The following ADAP2 variants were observed in gnomAD, a reference collection of about 807,000 sequenced individuals.
ADAP2 encodes arf-GAP with dual PH domain-containing protein 2.
ADAP2 carries 42 observed loss-of-function variants against 54.9 expected under a neutral mutation model. The observed-to-expected ratio is 0.77, with a 90% CI of 0.60 to 0.99. ADAP2 has a LOEUF of 0.99. Ranked by LOEUF, ADAP2 falls within the 50% of genes least tolerant of loss-of-function variation. The probability of loss-of-function intolerance (pLI) is 0.00; values close to 1 mark genes in which losing one functional copy is unlikely to be tolerated. For missense variants in ADAP2, 429 were observed against 480.4 expected (o/e 0.89, Z 1.00); for synonymous variants, 177 against 180.1 (o/e 0.98, Z 0.14).
At chr17:30,949,024 G>A (rs1236250160) in intron 6 of ADAP2, among the ~76,000 whole-genome samples, 1 of 152,242 alleles carries the variant, frequency 6.6e-6, no homozygotes, top group Non-Finnish European at 1.5e-5. Context: ...CGAGGCCATT[G>A]CAGAACTCCC....
At chr17:30,956,786 T>C (rs920892589) in intron 10 of ADAP2, 1 of 356,020 alleles carries the variant, frequency 2.8e-6, no homozygotes, top group Admixed American at 3.9e-5. Context: ...CCCTCCACCG[T>C]GCTCTATGCT....
intron 9 of ADAP2, among the ~76,000 whole-genome samples, chr17:30,955,536 G>A (rs1905000402): frequency 2.0e-5 from 3 of 151,802 alleles, no homozygotes; most frequent in African/African-American, 7.3e-5. Context: ...GTGAAACCCT[G>A]TCTCTACTAA....
chr17:30,941,986 G>A (rs920749635), intron 5 of ADAP2, among the ~76,000 whole-genome samples: 1 of 151,780 alleles, frequency 6.6e-6, no homozygotes. Context: ...GCTCACTGCA[G>A]CCTCCGCCTC....
rs1431105562 is a variant in ADAP2 at position 30,929,235 on chromosome 17, A to T, written c.317+2317A>T. Among the ~76,000 whole-genome samples the T allele has an allele frequency of 3.3e-5, 5 of 152,374 alleles. No homozygotes were observed. The East Asian group carries it at 9.6e-4, about 29-fold the overall frequency. On this transcript the variant is annotated intron_variant, in intron 3 of 10. Coordinates refer to ENST00000330889, the MANE Select transcript of ADAP2 (RefSeq NM_018404.3). The stretch of plus-strand genomic sequence containing the variant: ...TAGGCAATGATGCCTGCATCATAGC[A>T]TACTTGTAGAGATTACATGAGATAA...
chr17:30,926,065 G>T (rs1389565614), intron 2 of ADAP2, among the ~76,000 whole-genome samples: 2 of 152,088 alleles, frequency 1.3e-5, no homozygotes, highest in Non-Finnish European at 2.9e-5. Context: ...GATTCCAAGG[G>T]TCACTCATCA....
intron 7 of ADAP2, among the ~76,000 whole-genome samples, chr17:30,951,822 C>A (rs1904670145): frequency 6.6e-6 from 1 of 151,172 alleles, no homozygotes; most frequent in African/African-American, 2.4e-5. Context: ...CACCCGGCTA[C>A]TTTTTTGTAT....
At chr17:30,956,773 T>C (rs556259589) in intron 10 of ADAP2, 99 of 412,288 alleles carry the variant, frequency 2.4e-4, no homozygotes, top group African/African-American at 1.4e-3. Flanking sequence ...GCAGCTTCTC[T>C]TTCCCTCCAC....
At chr17:30,932,966 T>C (rs1911607027) in intron 4 of ADAP2, among the ~76,000 whole-genome samples, 1 of 152,152 alleles carries the variant, frequency 6.6e-6, no homozygotes, top group South Asian at 2.1e-4. Flanking sequence ...CTGGTGCAGC[T>C]CAAGACTTGG....
rs1312369453 is a variant in ADAP2, at chr17:30,958,095, C to T, written c.*226C>T. The T allele has an allele frequency of 5.1e-6, 3 of 586,132 alleles. No homozygotes were observed. The African/African-American group carries it at 5.6e-5, about 11-fold the overall frequency. The allele number at this position is 586,132 out of a possible 1,614,324, so 36.3% of individuals were successfully genotyped here. On this transcript the variant is annotated 3_prime_UTR_variant, in exon 11 of 11. Coordinates refer to ENST00000330889, the MANE Select transcript of ADAP2 (RefSeq NM_018404.3). ...ATCTGGTGCATAGATGAACATCTAT[C>T]CCCTCCTCCCCCATACACACCTAGG...
intron 5 of ADAP2, among the ~76,000 whole-genome samples, chr17:30,942,891 A>C (rs967414415): frequency 6.6e-6 from 1 of 152,244 alleles, no homozygotes; most frequent in East Asian, 1.9e-4. Context: ...CAAAAAGTAA[A>C]AAAGTAACAG....
intron 3 of ADAP2, among the ~76,000 whole-genome samples, chr17:30,929,538 G>A (rs1473182793): frequency 6.6e-6 from 1 of 152,128 alleles, no homozygotes; most frequent in Non-Finnish European, 1.5e-5. Flanking sequence ...AGTACTAATG[G>A]CCACCTTCAG....
chr17:30,946,596 A>C (rs1291290995), intron 6 of ADAP2, among the ~76,000 whole-genome samples: 1 of 152,148 alleles, frequency 6.6e-6, no homozygotes, highest in African/African-American at 2.4e-5. Context: ...AAGCTGGGTC[A>C]GGTCCTGAGC....
rs35101958 is a variant in ADAP2 at position 30,930,045 on chromosome 17, CTTATTTAT to C, written c.318-1809_318-1802del. Among the ~76,000 whole-genome samples, 416 of 140,428 alleles carry C rather than the reference CTTATTTAT, an allele frequency of 3.0e-3. 2 individuals are homozygous for C. The highest frequency in any genetic ancestry group is 5.7e-3 in the African/African-American group (219 of 38,622). 92.1% of individuals were successfully genotyped at this position (140,428 alleles called of 152,430 possible). ...ACTCTTGATTGTAAGCGACAGAAAC[CTTATTTAT>C]TTATTTATTTATTTATTTATTTATT... On this transcript the variant is annotated intron_variant, in intron 3 of 10. Transcript: ENST00000330889.
intron 2 of ADAP2, among the ~76,000 whole-genome samples, chr17:30,925,183 A>AT (rs57259969): frequency 0.12 from 11,516 of 98,118 alleles, 1,852 homozygotes; most frequent in African/African-American, 0.35. Context: ...CGTGCCCAGC[A>AT]TTTTTTTTTT....
intron 9 of ADAP2, among the ~76,000 whole-genome samples, chr17:30,955,604 G>A (rs1567727966): frequency 1.3e-5 from 2 of 151,982 alleles, no homozygotes; most frequent in Non-Finnish European, 2.9e-5. Context: ...CTACTCAGGA[G>A]GCTGAGGCAG....
At chr17:30,936,500 A>G (rs1486565281) in intron 5 of ADAP2, among the ~76,000 whole-genome samples, 2 of 152,116 alleles carry the variant, frequency 1.3e-5, no homozygotes, top group African/African-American at 4.8e-5. Context: ...CTTCATGGGT[A>G]TGAAGTCGTA....
intron 3 of ADAP2, among the ~76,000 whole-genome samples, chr17:30,931,437 C>T: frequency 6.6e-6 from 1 of 152,062 alleles, no homozygotes; most frequent in Non-Finnish European, 1.5e-5. Context: ...TTATCCAACC[C>T]CGAATGTTAA....
intron 3 of ADAP2, among the ~76,000 whole-genome samples, chr17:30,930,361 T>C (rs1403899940): frequency 6.6e-6 from 1 of 152,076 alleles, no homozygotes; most frequent in Non-Finnish European, 1.5e-5. Flanking sequence ...TGTGAGCCAC[T>C]GCGCCTGGCC....
chr17:30,928,242 T>C, intron 3 of ADAP2, among the ~76,000 whole-genome samples: 1 of 136,398 alleles, frequency 7.3e-6, no homozygotes, highest in Non-Finnish European at 1.5e-5. Flanking sequence ...ACACCTGTAA[T>C]CCTAGCAATT....
Sources: allele counts gnomAD v4.1 joint callset (sites outside exome capture counted in the v4.1 genomes callset), GRCh38; gene constraint gnomAD v4.1.1; transcripts MANE v1.5; gene names NCBI Gene and HGNC (gene_info 2026-07-23, HGNC 2026-07-21).